SBF2: variants seen among roughly 807,000 people sequenced by gnomAD.
SBF2 encodes myotubularin-related protein 13.
SBF2 carries 112 observed loss-of-function variants against 225.2 expected under a neutral mutation model. The observed-to-expected ratio is 0.50, with a 90% CI of 0.43 to 0.58. The LOEUF is 0.58. Among genes scored for constraint, SBF2 ranks in the 20% least tolerant of loss-of-function variants. SBF2 has a pLI of 0.00. For synonymous variants in SBF2, 763 were observed against 773.3 expected (o/e 0.99, Z 0.22); for missense variants, 1,996 against 2,206.2 (o/e 0.90, Z 1.91).
chr11:10,223,399 TTATATATATATATATATATATATATA>T (rs3074175), intron 1 of SBF2, among the ~76,000 whole-genome samples: 7,687 of 59,364 alleles, frequency 0.13, 490 homozygotes, highest in Middle Eastern at 0.32. Flanking sequence ...ATTTTGCACA[TTATATATATATATATATATATATATA>T]TATATATATA....
chr11:9,963,751 G>A (rs978939856), intron 15 of SBF2, 22 bp downstream of exon 15: 1 of 1,142,058 alleles, frequency 8.8e-7, no homozygotes, highest in African/African-American at 1.5e-5. Context: ...ATGCTTACTT[G>A]GGAAAGATCA....
At chr11:10,003,756 A>G (rs937268594) in intron 6 of SBF2, among the ~76,000 whole-genome samples, 3 of 151,868 alleles carry the variant, frequency 2.0e-5, no homozygotes, top group Non-Finnish European at 4.4e-5. Flanking sequence ...TGGTATTTAT[A>G]AACTCTTTTT....
intron 23 of SBF2, among the ~76,000 whole-genome samples, chr11:9,846,754 C>CT (rs2133973116): frequency 1.3e-5 from 2 of 152,274 alleles, no homozygotes; most frequent in South Asian, 4.1e-4. Flanking sequence ...TGCTGGTACT[C>CT]TGAGTTGGCT....
chr11:9,787,763 G>C, intron 35 of SBF2, 25 bp from the exon 36 acceptor site: 4 of 1,597,340 alleles, frequency 2.5e-6, no homozygotes, highest in Non-Finnish European at 3.4e-6. Flanking sequence ...AAAGTTTTCT[G>C]ATCAGTATTT....
chr11:10,125,356 T>C (rs1019331732), intron 2 of SBF2, among the ~76,000 whole-genome samples: 5 of 152,164 alleles, frequency 3.3e-5, no homozygotes, highest in African/African-American at 1.2e-4. Flanking sequence ...TTAAGTTTTT[T>C]TTGTACTGAA....
At chr11:10,001,093 CTGTGT>C in intron 7 of SBF2, 71 bp from the exon 8 acceptor site, 1 of 830,062 alleles carries the variant, frequency 1.2e-6, no homozygotes, top group Non-Finnish European at 2.1e-6. Flanking sequence ...CATCTTTATG[CTGTGT>C]TAAGTTTTAT....
rs1403986789 is a variant in SBF2 at position 10,207,784 on chromosome 11, AT to A, written c.56-13798del. On this transcript the variant is annotated intron_variant, in intron 1 of 39. Transcript: ENST00000256190. ...CAAGCCCAAAGGCACAATAATTAAT[AT>A]TTTTTCTCACTGTAACAAATGGAAA... Among the ~76,000 whole-genome samples, 4 of 152,144 alleles carry A rather than the reference AT, an allele frequency of 2.6e-5. No individual in the cohort carries two copies. In the East Asian group the frequency reaches 7.7e-4, roughly 29 times the overall value.
chr11:10,140,263 G>T (rs769836558), intron 2 of SBF2, among the ~76,000 whole-genome samples: 30 of 152,176 alleles, frequency 2.0e-4, no homozygotes, highest in Non-Finnish European at 1.2e-4. Context: ...AGAGCCTCCG[G>T]TTGGGGAATG....
At chr11:9,993,817 C>G in intron 10 of SBF2, 104 bp downstream of exon 10, 7 of 1,229,516 alleles carry the variant, frequency 5.7e-6, no homozygotes, top group Non-Finnish European at 8.1e-6. Context: ...ACTTTTTACT[C>G]TGCTGTCCAT....
intron 19 of SBF2, among the ~76,000 whole-genome samples, chr11:9,855,255 G>A (rs1290141505): frequency 1.3e-5 from 2 of 152,166 alleles, no homozygotes; most frequent in Non-Finnish European, 2.9e-5. Flanking sequence ...TTGACTGTAT[G>A]GTGTGAAATG....
intron 16 of SBF2, among the ~76,000 whole-genome samples, chr11:9,908,737 C>T (rs1862326099): frequency 6.6e-6 from 1 of 152,044 alleles, no homozygotes; most frequent in Non-Finnish European, 1.5e-5. Context: ...TCACTCTGTC[C>T]CCCAGGCTGA....
At chr11:9,972,085 G>A (rs73402490) in intron 13 of SBF2, among the ~76,000 whole-genome samples, 3,146 of 152,256 alleles carry the variant, frequency 0.021, 71 homozygotes, top group African/African-American at 0.058. Flanking sequence ...AGAACGCCTC[G>A]TTTCAAACTC....
chr11:10,257,431 C>T (rs570293152), intron 1 of SBF2, among the ~76,000 whole-genome samples: 1 of 152,150 alleles, frequency 6.6e-6, no homozygotes, highest in African/African-American at 2.4e-5. Flanking sequence ...TTTGAGAGGC[C>T]TAAGTGGGAG....
intron 17 of SBF2, among the ~76,000 whole-genome samples, chr11:9,875,652 C>G (rs1268452666): frequency 6.6e-6 from 1 of 152,166 alleles, no homozygotes; most frequent in African/African-American, 2.4e-5. Flanking sequence ...TGGAACAAGG[C>G]AGGGTCAGCC....
intron 18 of SBF2, 55 bp from the exon 19 acceptor site, chr11:9,856,775 A>G (rs1857347608): frequency 3.2e-6 from 5 of 1,554,100 alleles, no homozygotes; most frequent in Non-Finnish European, 4.4e-6. Flanking sequence ...GGTGAGCTTA[A>G]AAAACATAGA....
intron 17 of SBF2, among the ~76,000 whole-genome samples, chr11:9,867,039 T>C (rs1030535971): frequency 5.9e-5 from 9 of 151,918 alleles, no homozygotes; most frequent in African/African-American, 1.9e-4. Context: ...TACAAAAAAA[T>C]AGAATAAGAC....
chr11:10,056,868 ACTGGGGG>A, intron 2 of SBF2, among the ~76,000 whole-genome samples: 1 of 152,256 alleles, frequency 6.6e-6, no homozygotes, highest in South Asian at 2.1e-4. Flanking sequence ...GTCTGAGGCA[ACTGGGGG>A]CTGAAATGGA....
intron 1 of SBF2, among the ~76,000 whole-genome samples, chr11:10,194,865 G>A (rs1050450500): frequency 3.5e-5 from 5 of 142,092 alleles, no homozygotes; most frequent in Non-Finnish European, 7.7e-5. Flanking sequence ...ACTAGCCAGA[G>A]GCATTGAAAT....
At chr11:10,299,004 TG>T (rs1964572592), upstream of SBF2, among the ~76,000 whole-genome samples, 1 of 151,742 alleles carries the variant, frequency 6.6e-6, no homozygotes, top group African/African-American at 2.4e-5. Flanking sequence ...CTACCTTGAG[TG>T]TGTGTTTGGG....
Sources: allele counts gnomAD v4.1 joint callset (sites outside exome capture counted in the v4.1 genomes callset), GRCh38; gene constraint gnomAD v4.1.1; transcripts MANE v1.5; gene names NCBI Gene and HGNC (gene_info 2026-07-23, HGNC 2026-07-21).